The following ZNF583 variants were observed in gnomAD, a reference collection of about 807,000 sequenced individuals.
ZNF583 encodes the protein zinc finger protein 583.
ZNF583 carries 30 observed loss-of-function variants against 55.3 expected under a neutral mutation model. The observed-to-expected ratio is 0.54, with a 90% CI of 0.41 to 0.74. The LOEUF (loss-of-function observed/expected upper bound fraction) is 0.74. ZNF583 is among the 30% of genes least tolerant of loss of function. The probability of loss-of-function intolerance (pLI) is 0.00; values close to 1 mark genes in which losing one functional copy is unlikely to be tolerated. For synonymous variants in ZNF583, 208 were observed against 220.0 expected (o/e 0.95, Z 0.48); for missense variants, 504 against 664.7 (o/e 0.76, Z 2.66).
intron 2 of ZNF583, among the ~76,000 whole-genome samples, chr19:56,408,007 TAAATAA>T (rs1187829146): frequency 6.6e-6 from 1 of 152,110 alleles, no homozygotes. Context: ...TAAATAAAAA[TAAATAA>T]AAATAAACAC....
Position 56,423,978 on chromosome 19 carries a change from A to T in ZNF583, c.1320A>T (p.Glu440Asp). Residue 440 changes from glutamate (E) to aspartate (D), a missense_variant, in exon 5 of 5, where the codon GAA becomes GAT. Physicochemically the swap from Glu to Asp is conservative, Grantham distance 45. Transcript: ENST00000333201. ...HTGEKPYECI[E>D]CGKAFSNSSS... ...GAGAGAAACCCTATGAATGTATTGA[A>T]TGTGGGAAGGCCTTTAGCAATAGTT... 1 of 1,614,024 alleles carries T rather than the reference A, an allele frequency of 6.2e-7. No individual in the cohort carries two copies. The highest frequency in any genetic ancestry group is 8.5e-7 in the Non-Finnish European group (1 of 1,179,988).
At chr19:56,415,327 A>G (rs986770681) in intron 4 of ZNF583, among the ~76,000 whole-genome samples, 3 of 152,094 alleles carry the variant, frequency 2.0e-5, no homozygotes, top group Non-Finnish European at 2.9e-5. Flanking sequence ...TTGGCTGTGG[A>G]CATAAGAGGG....
rs1299303910 is a variant in ZNF583 at position 56,423,903 on chromosome 19, A to G, written c.1245A>G (p.Lys415=). The change falls in exon 5 of 5, where the codon AAA becomes AAG. Residue 415 remains lysine, a synonymous_variant. Transcript: ENST00000333201. ...CTTATGAATGTAAAGTATGTAGGAA[A>G]GCCTTCAGCCAAATTGCATACCTTG... The part of the protein sequence containing the change: ...EKPYECKVCR[K]AFSQIAYLDQ... 5 of 1,613,934 alleles carry G rather than the reference A, an allele frequency of 3.1e-6. No homozygotes were observed. The highest frequency in any genetic ancestry group is 4.2e-6 in the Non-Finnish European group (5 of 1,179,996).
In ZNF583 at chr19:56,422,993, G is replaced by T; in HGVS notation, c.335G>T (p.Ser112Ile). The change falls in exon 5 of 5, where the codon AGC becomes ATC. Residue 112 changes from serine to isoleucine, a missense_variant. This residue lies in a region of ZNF583 where 204 missense variants were observed against 235.2 expected (regional missense o/e 0.87). Transcript: ENST00000333201. Reference sequence around the variant, plus strand: ...GTGGGAGCAAGACATCTTAGTTATAGCCTTGACTATCCCAGTTTGAGAGAA... The same window carrying T: ...GTGGGAGCAAGACATCTTAGTTATATCCTTGACTATCCCAGTTTGAGAGAA... ...VTVGARHLSY[S>I]LDYPSLREDC... 3.1e-6 allele frequency: 5 copies of T among 1,613,948 alleles called. No individual in the cohort carries two copies. Among genetic ancestry groups the T allele is most frequent in the Non-Finnish European group, 4.2e-6 (5 of 1,179,910 alleles).
intron 4 of ZNF583, among the ~76,000 whole-genome samples, chr19:56,416,801 G>T (rs2042332622): frequency 6.6e-6 from 1 of 151,998 alleles, no homozygotes; most frequent in African/African-American, 2.4e-5. Context: ...AAATTGTACA[G>T]TTTGATGACA....
chr19:56,424,313 C>A lies in ZNF583; in HGVS notation c.1655C>A (p.Ser552Tyr). The change falls in exon 5 of 5, where the codon TCT becomes TAT. Residue 552 changes from serine to tyrosine, a missense_variant. Coordinates refer to ENST00000333201, the MANE Select transcript of ZNF583 (RefSeq NM_152478.3). ...HTMESFLTLS[S>Y]PSPSTSNQLP... The stretch of plus-strand genomic sequence containing the variant: ...ATGGAGTCATTCTTGACTCTTTCCT[C>A]TCCCTCACCCTCCACATCAAATCAG... 2 of 1,600,808 alleles carry A rather than the reference C, an allele frequency of 1.2e-6. No individual in the cohort carries two copies. The highest frequency in any genetic ancestry group is 1.7e-6 in the Non-Finnish European group (2 of 1,168,172).
At chr19:56,408,151 T>TA (rs1037645385) in intron 2 of ZNF583, among the ~76,000 whole-genome samples, 1 of 152,070 alleles carries the variant, frequency 6.6e-6, no homozygotes, top group Admixed American at 6.5e-5. Flanking sequence ...ATTCATCTAG[T>TA]AAAAAAAATT....
rs2042496623 is a variant in ZNF583 at position 56,427,048 on chromosome 19, AATGAC to A, written c.*2681_*2685del. The stretch of plus-strand genomic sequence containing the variant: ...CAGAAGATGCTGCATGTTATATGCG[AATGAC>A]CGAAGGGTTTTAAAAATGGAATCTA... On this transcript the variant is annotated 3_prime_UTR_variant, in exon 5 of 5. Transcript: ENST00000333201. 1 of 152,170 alleles carries A rather than the reference AATGAC, an allele frequency of 6.6e-6. No homozygotes were observed. Among genetic ancestry groups the A allele is most frequent in the Non-Finnish European group, 1.5e-5 (1 of 68,032 alleles). 9.4% of individuals were successfully genotyped at this position (152,170 alleles called of 1,614,324 possible). A position where few individuals can be genotyped will look rare whatever the true frequency, so the allele number is the denominator to read the frequency against.
chr19:56,420,354 T>C (rs186734388), intron 4 of ZNF583, among the ~76,000 whole-genome samples: 3 of 152,322 alleles, frequency 2.0e-5, no homozygotes, highest in African/African-American at 4.8e-5. Flanking sequence ...ATATAGTCTA[T>C]CTTATTTACT....
At chr19:56,421,198 C>G (rs1026627967) in intron 4 of ZNF583, among the ~76,000 whole-genome samples, 2 of 152,112 alleles carry the variant, frequency 1.3e-5, no homozygotes, top group African/African-American at 4.8e-5. Context: ...TGTAGTTTAG[C>G]AAGTTTTATC....
intron 4 of ZNF583, among the ~76,000 whole-genome samples, chr19:56,421,262 C>G (rs1451550478): frequency 9.0e-6 from 1 of 111,718 alleles, no homozygotes; most frequent in Non-Finnish European, 1.9e-5. Flanking sequence ...ATTATAATAT[C>G]TATCCTTAAC....
chr19:56,425,678 TATATC>T lies in ZNF583; in HGVS notation c.*1312_*1316del, dbSNP rs894800702. ...CTGTTCTAAATCTGGGTGAATGAAT[TATATC>T]AAATCTATGTCATTTAAAATAATAA... is the stretch of plus-strand genomic sequence containing the variant. On this transcript the variant is annotated 3_prime_UTR_variant, in exon 5 of 5. Transcript: ENST00000333201. The T allele has an allele frequency of 2.0e-5, 3 of 152,218 alleles. No individual in the cohort carries two copies. The highest frequency in any genetic ancestry group is 7.2e-5 in the African/African-American group (3 of 41,462). The allele number at this position is 152,218 out of a possible 1,614,324, so 9.4% of individuals were successfully genotyped here.
intron 2 of ZNF583, among the ~76,000 whole-genome samples, chr19:56,412,127 C>G (rs1321237348): frequency 6.6e-6 from 1 of 152,142 alleles, no homozygotes; most frequent in Non-Finnish European, 1.5e-5. Context: ...CTGGTGTGGT[C>G]ACTAGCAGCA....
At position 56,422,962 on chromosome 19, in the gene ZNF583, G is replaced by T. The variant is rs746275668; in HGVS notation, c.304G>T (p.Val102Leu). 1.5e-5 allele frequency: 25 copies of T among 1,613,710 alleles called. No homozygotes were observed. Among genetic ancestry groups the T allele is most frequent in the South Asian group, 4.4e-5 (4 of 91,006 alleles). Reference protein sequence around the residue: ...QETYEESSKVVTVGARHLSYS... With the variant: ...QETYEESSKVLTVGARHLSYS... ...GACATATGAAGAATCATCCAAAGTT[G>T]TGACAGTGGGAGCAAGACATCTTAG... is the stretch of plus-strand genomic sequence containing the variant. Residue 102 changes from valine (V) to leucine (L), a missense_variant, in exon 5 of 5, where the codon GTG (valine) becomes TTG (leucine). Transcript: ENST00000333201.
chr19:56,411,074 C>T (rs1057194748), intron 2 of ZNF583, among the ~76,000 whole-genome samples: 7 of 151,438 alleles, frequency 4.6e-5, no homozygotes, highest in Admixed American at 4.6e-4. Context: ...ATCCCTTCAG[C>T]CCAGGAGTTT....
chr19:56,407,222 G>T (rs1600350347), intron 2 of ZNF583, 99 bp downstream of exon 2: 18 of 1,412,336 alleles, frequency 1.3e-5, no homozygotes, highest in Admixed American at 1.7e-5. Flanking sequence ...ACCTAATAAG[G>T]TTCCATTCAT....
chr19:56,413,521 G>C (rs764569037), intron 2 of ZNF583, among the ~76,000 whole-genome samples: 10 of 152,120 alleles, frequency 6.6e-5, no homozygotes, highest in Admixed American at 1.3e-4. Context: ...CCATTGTACT[G>C]AGTTTGGAAA....
At chr19:56,419,019 C>T (rs1479013870) in intron 4 of ZNF583, among the ~76,000 whole-genome samples, 1 of 151,942 alleles carries the variant, frequency 6.6e-6, no homozygotes, top group Non-Finnish European at 1.5e-5. Flanking sequence ...TTCTCTTTAA[C>T]CTTTTAATAT....
At chr19:56,405,328 C>T (rs115635901) in intron 1 of ZNF583, among the ~76,000 whole-genome samples, 1,679 of 152,226 alleles carry the variant, frequency 0.011, 29 homozygotes, top group African/African-American at 0.039. Flanking sequence ...TGAGAATGGC[C>T]TTATATGACC....
Sources: gnomAD v4.1 joint callset for allele counts (sites outside exome capture counted in the v4.1 genomes callset) on GRCh38, gnomAD v4.1.1 for gene constraint, gnomAD v4.1.1 regional missense constraint, MANE v1.5 for transcripts, NCBI Gene and HGNC (gene_info 2026-07-23, HGNC 2026-07-21) for gene names.